EHD1: variants seen among roughly 807,000 people sequenced by gnomAD.
EHD1 encodes the protein EH domain containing 1.
EHD1 carries 19 observed loss-of-function variants against 39.0 expected under a neutral mutation model. The ratio of observed to expected loss-of-function variants is 0.49; its 90% CI spans 0.34 to 0.72. EHD1 has a LOEUF of 0.72. Among genes scored for constraint, EHD1 ranks in the 30% least tolerant of loss-of-function variants. EHD1 has a pLI of 0.01. For synonymous variants in EHD1, 323 were observed against 331.2 expected (o/e 0.98, Z 0.27); for missense variants, 542 against 751.5 (o/e 0.72, Z 3.26).
At chr11:64,870,242 A>T (rs1165698361) in intron 2 of EHD1, among the ~76,000 whole-genome samples, 1 of 152,128 alleles carries the variant, frequency 6.6e-6, no homozygotes, top group East Asian at 1.9e-4. Flanking sequence ...AACAGGGGCA[A>T]AGGTCTGTCT....
In EHD1 at chr11:64,853,974, C is replaced by G. The variant is rs1210919854; in HGVS notation, c.*359G>C. On this transcript the variant is annotated 3_prime_UTR_variant, in exon 5 of 5. Transcript: ENST00000320631. The stretch of plus-strand genomic sequence containing the variant: ...AGCCTAGCAGCTGCCAAAAGGGCGA[C>G]CTGGCTCCCCCACGGTCGCAGTCGC... 1.7e-5 allele frequency: 5 copies of G among 291,642 alleles called. No homozygotes were observed. In the Admixed American group the frequency reaches 2.3e-4, roughly 13 times the overall value. 18.1% of individuals were successfully genotyped at this position (291,642 alleles called of 1,614,324 possible). A position where few individuals can be genotyped will look rare whatever the true frequency, so the allele number is the denominator to read the frequency against.
rs999369163 is a variant in EHD1, at chr11:64,878,617, C to T, written c.-153G>A. The T allele has an allele frequency of 4.2e-6, 6 of 1,417,002 alleles. No individual in the cohort carries two copies. In the Admixed American group the frequency reaches 1.2e-4, roughly 29 times the overall value. The allele number at this position is 1,417,002 out of a possible 1,614,324, so 87.8% of individuals were successfully genotyped here. A position where few individuals can be genotyped will look rare whatever the true frequency, so the allele number is the denominator to read the frequency against. On this transcript the variant is annotated 5_prime_UTR_variant, in exon 1 of 5. Transcript: ENST00000320631. ...CCCAGCCCGTCGAAGCGCCCTCTGC[C>T]GAATGCTGCGCACCCCTCGCGGAGC...
At chr11:64,863,098 A>G (rs1361282003) in intron 2 of EHD1, among the ~76,000 whole-genome samples, 1 of 152,076 alleles carries the variant, frequency 6.6e-6, no homozygotes, top group East Asian at 1.9e-4. Flanking sequence ...GTCCCAGGCC[A>G]CCCAAATGTA....
intron 2 of EHD1, among the ~76,000 whole-genome samples, chr11:64,860,550 T>C (rs185397506): frequency 5.9e-5 from 9 of 151,616 alleles, no homozygotes; most frequent in Non-Finnish European, 1.0e-4. Flanking sequence ...CTGGCCAACA[T>C]AGTGAAACCC....
chr11:64,860,308 C>T lies in EHD1; in HGVS notation c.531G>A (p.Trp177Ter). 1 of 1,613,690 alleles carries T rather than the reference C, an allele frequency of 6.2e-7. No homozygotes were observed. The highest frequency in any genetic ancestry group is 8.5e-7 in the Non-Finnish European group (1 of 1,179,950). ...RGYDFAAVLE[W>*]FAERVDRIIL... ...TGATGCGGTCCACACGCTCCGCGAA[C>T]CACTCCAGGACGGCTGCAAAGTCAT... Residue 177 changes from tryptophan (W) to a stop codon, truncating the protein, a stop_gained, in exon 3 of 5, where the codon TGG becomes TGA. Transcript: ENST00000320631. LOFTEE classifies it high-confidence loss of function.
chr11:64,864,113 G>A (rs147857922), intron 2 of EHD1, among the ~76,000 whole-genome samples: 6 of 152,366 alleles, frequency 3.9e-5, no homozygotes, highest in African/African-American at 9.6e-5. Context: ...ATGTGCGGCC[G>A]TTCCCTGCCC....
chr11:64,878,583 GGC>G lies in EHD1; in HGVS notation c.-121_-120del. On this transcript the variant is annotated 5_prime_UTR_variant, in exon 1 of 5. Transcript: ENST00000320631. ...AATCGGGAGCGACCCACACTGCGCA[GGC>G]GCACAGCCCAGCCCGTCGAAGCGCC... is the stretch of plus-strand genomic sequence containing the variant. 6.9e-7 allele frequency: 1 copy of G among 1,443,548 alleles called. No individual in the cohort carries two copies. The highest frequency in any genetic ancestry group is 9.1e-7 in the Non-Finnish European group (1 of 1,104,168). The allele number at this position is 1,443,548 out of a possible 1,614,324, so 89.4% of individuals were successfully genotyped here. A position where few individuals can be genotyped will look rare whatever the true frequency, so the allele number is the denominator to read the frequency against.
chr11:64,863,390 G>A (rs1441322626), intron 2 of EHD1, among the ~76,000 whole-genome samples: 1 of 152,226 alleles, frequency 6.6e-6, no homozygotes, highest in African/African-American at 2.4e-5. Flanking sequence ...CAGCTGGACA[G>A]GGTCGCCCAC....
At chr11:64,871,769 C>T (rs1420811844) in intron 2 of EHD1, among the ~76,000 whole-genome samples, 1 of 152,176 alleles carries the variant, frequency 6.6e-6, no homozygotes, top group African/African-American at 2.4e-5. Context: ...CCACACTTTG[C>T]ACCTGGAGGG....
chr11:64,876,323 C>T (rs988464712), intron 1 of EHD1, among the ~76,000 whole-genome samples: 4 of 152,216 alleles, frequency 2.6e-5, no homozygotes, highest in Admixed American at 6.5e-5. Context: ...GCACCCTCCT[C>T]GCCGGGCTCA....
chr11:64,859,327 C>T (rs1207166746), intron 3 of EHD1, among the ~76,000 whole-genome samples: 5 of 152,114 alleles, frequency 3.3e-5, no homozygotes, highest in Non-Finnish European at 7.4e-5. Flanking sequence ...TGAGACCAGC[C>T]TGGCCAACAT....
Position 64,854,305 on chromosome 11 carries a change from C to A in EHD1, c.*28G>T. Reference sequence around the variant, plus strand: ...CGTCTCTGCCTCCCGGCCGGGCGTGCAAATGGCAGGTGCGGGGCCGGGCGC... The same window carrying A: ...CGTCTCTGCCTCCCGGCCGGGCGTGAAAATGGCAGGTGCGGGGCCGGGCGC... On this transcript the variant is annotated 3_prime_UTR_variant, in exon 5 of 5. Transcript: ENST00000320631. 6.4e-7 allele frequency: 1 copy of A among 1,573,754 alleles called. No homozygotes were observed. The highest frequency in any genetic ancestry group is 8.6e-7 in the Non-Finnish European group (1 of 1,160,588).
At chr11:64,870,762 A>AC (rs1242250564) in intron 2 of EHD1, among the ~76,000 whole-genome samples, 1 of 152,120 alleles carries the variant, frequency 6.6e-6, no homozygotes, top group African/African-American at 2.4e-5. Flanking sequence ...CAAGGGCACC[A>AC]CCCCTGCCGG....
upstream of EHD1, chr11:64,879,131 A>G (rs1008246107): frequency 1.0e-6 from 1 of 1,004,432 alleles, no homozygotes; most frequent in Non-Finnish European, 1.2e-6. Context: ...CCAGACACAC[A>G]CTGTCTTTGT....
chr11:64,878,630 C>G, upstream of EHD1: 3 of 1,409,172 alleles, frequency 2.1e-6, no homozygotes, highest in Non-Finnish European at 1.8e-6. Context: ...ATGCTGCGCA[C>G]CCCTCGCGGA....
chr11:64,859,745 G>T (rs1010451368), intron 3 of EHD1, 179 bp downstream of exon 3: 1 of 855,586 alleles, frequency 1.2e-6, no homozygotes, highest in Non-Finnish European at 1.7e-6. Flanking sequence ...TTAGTTAAGA[G>T]CAGGCTGCAC....
intron 2 of EHD1, among the ~76,000 whole-genome samples, chr11:64,863,863 A>G (rs1943741004): frequency 6.6e-6 from 1 of 152,194 alleles, no homozygotes; most frequent in African/African-American, 2.4e-5. Flanking sequence ...CCAATTCCTC[A>G]GCCGGGCTGC....
rs1943589497 is a variant in EHD1, at chr11:64,852,216, T to C, written c.*2117A>G. The C allele has an allele frequency of 6.6e-6, 1 of 152,258 alleles. No homozygotes were observed. Among genetic ancestry groups the C allele is most frequent in the Non-Finnish European group, 1.5e-5 (1 of 68,058 alleles). The allele number at this position is 152,258 out of a possible 1,614,324, so 9.4% of individuals were successfully genotyped here. A position where few individuals can be genotyped will look rare whatever the true frequency, so the allele number is the denominator to read the frequency against. On this transcript the variant is annotated 3_prime_UTR_variant, in exon 5 of 5. Transcript: ENST00000320631. ...TATAAACAGTCCCCCATCTGTGACA[T>C]CACCTGGGCCTGACTGGCCCCACCC...
chr11:64,858,017 G>A (rs1181284558), intron 3 of EHD1, among the ~76,000 whole-genome samples: 2 of 144,962 alleles, frequency 1.4e-5, no homozygotes, highest in Non-Finnish European at 3.0e-5. Flanking sequence ...TAGGAGCTAC[G>A]GCAAGGGCCT....
Sources: allele counts gnomAD v4.1 joint callset (sites outside exome capture counted in the v4.1 genomes callset), GRCh38; gene constraint gnomAD v4.1.1; transcripts MANE v1.5; gene names NCBI Gene and HGNC (gene_info 2026-07-23, HGNC 2026-07-21).